The following FARP1 variants were observed in gnomAD, a reference collection of about 807,000 sequenced individuals.
FARP1 encodes FERM, ARHGEF and pleckstrin domain-containing protein 1.
FARP1 carries 52 observed loss-of-function variants against 128.8 expected under a neutral mutation model. The observed-to-expected ratio is 0.40, with a 90% CI of 0.32 to 0.51. The LOEUF is 0.51. Ranked by LOEUF, FARP1 falls within the 20% of genes least tolerant of loss-of-function variation. The pLI, the probability that FARP1 is intolerant of heterozygous loss-of-function variation, is 0.45. For synonymous variants in FARP1, 580 were observed against 551.8 expected (o/e 1.05, Z -0.72); for missense variants, 1,333 against 1,367.9 (o/e 0.97, Z 0.40).
Position 98,213,422 on chromosome 13 carries a change from G to A in FARP1, c.171+9G>A, listed in dbSNP as rs1332629637. 6.2e-7 allele frequency: 1 copy of A among 1,612,638 alleles called. No homozygotes were observed. The highest frequency in any genetic ancestry group is 8.5e-7 in the Non-Finnish European group (1 of 1,179,572). On this transcript the variant is annotated intron_variant, in intron 2 of 26. Transcript: ENST00000319562. ...AGGCATTTGAAGTTCCAGTAAGTTGGGGGCTTATCTGTAACCCAGGAGTGT... is the reference window on the plus strand; with the variant it reads ...AGGCATTTGAAGTTCCAGTAAGTTGAGGGCTTATCTGTAACCCAGGAGTGT...
chr13:98,167,571 A>T (rs1279505477), intron 1 of FARP1, among the ~76,000 whole-genome samples: 1 of 151,648 alleles, frequency 6.6e-6, no homozygotes, highest in Non-Finnish European at 1.5e-5. Context: ...CACCACGCCC[A>T]GCTAATTTTT....
intron 2 of FARP1, among the ~76,000 whole-genome samples, chr13:98,241,771 T>C (rs1882784684): frequency 6.6e-6 from 1 of 152,142 alleles, no homozygotes; most frequent in Non-Finnish European, 1.5e-5. Context: ...ATACAAAAAT[T>C]AGCTGAGCGT....
rs549473494 is a variant in FARP1 at position 98,185,888 on chromosome 13, G to C, written c.-23-27332G>C. ...AATTTTTGTAATTTTAGTAGAGACA[G>C]GGTTTTTCCATGTTGACTAGGCTGG... is the stretch of plus-strand genomic sequence containing the variant. On this transcript the variant is annotated intron_variant, in intron 1 of 26. Transcript: ENST00000319562. Among the ~76,000 whole-genome samples, 108 of 152,094 alleles carry C rather than the reference G, an allele frequency of 7.1e-4. 1 individual carries two copies. In the South Asian group the frequency reaches 0.011, roughly 15 times the overall value.
chr13:98,155,228 C>G (rs1169867054), intron 1 of FARP1, among the ~76,000 whole-genome samples: 21 of 151,726 alleles, frequency 1.4e-4, no homozygotes, highest in Admixed American at 1.4e-3. Context: ...TGCCTGTAAT[C>G]CCAGCTACTT....
chr13:98,258,132 A>G (rs1883701126), intron 2 of FARP1, among the ~76,000 whole-genome samples: 1 of 151,906 alleles, frequency 6.6e-6, no homozygotes, highest in South Asian at 2.1e-4. Flanking sequence ...GTGCCCGGCT[A>G]ATTTTTTTGT....
rs1305703471 is a variant in FARP1 at position 98,176,081 on chromosome 13, G to A, written c.-24+32589G>A. 2.5e-6 allele frequency: 3 copies of A among 1,198,870 alleles called. No individual in the cohort carries two copies. The highest frequency in any genetic ancestry group is 1.8e-5 in the Admixed American group (1 of 54,150). 74.3% of individuals were successfully genotyped at this position (1,198,870 alleles called of 1,614,324 possible). On this transcript the variant is annotated intron_variant, in intron 1 of 26. Coordinates refer to ENST00000319562, the MANE Select transcript of FARP1 (RefSeq NM_005766.4). The surrounding 1 kb of genome is among the most constrained non-coding windows in gnomAD (Gnocchi z 6.2). Reference sequence around the variant, plus strand: ...TTCTTTTGGTTACATACTCAGGCATGGGATTGCAGGAAGACTGTCATCTCT... The same window carrying A: ...TTCTTTTGGTTACATACTCAGGCATAGGATTGCAGGAAGACTGTCATCTCT...
chr13:98,421,751 G>C (rs528985537), intron 16 of FARP1, among the ~76,000 whole-genome samples: 19 of 152,136 alleles, frequency 1.2e-4, no homozygotes, highest in Non-Finnish European at 2.1e-4. Context: ...TACTCAGGAG[G>C]CTGAGGCAGG....
At chr13:98,376,654 T>G (rs989290291) in intron 5 of FARP1, among the ~76,000 whole-genome samples, 1 of 152,050 alleles carries the variant, frequency 6.6e-6, no homozygotes, top group African/African-American at 2.4e-5. Context: ...GATTGCTGGG[T>G]CATATGGTAG....
intron 1 of FARP1, among the ~76,000 whole-genome samples, chr13:98,170,213 T>C (rs1448941770): frequency 2.6e-5 from 4 of 152,178 alleles, no homozygotes; most frequent in African/African-American, 9.6e-5. Context: ...ATACAGAGTC[T>C]TACTCTGTCA....
At chr13:98,444,263 C>T (rs934033786) in intron 24 of FARP1, among the ~76,000 whole-genome samples, 33 of 152,164 alleles carry the variant, frequency 2.2e-4, no homozygotes, top group Non-Finnish European at 4.1e-4. Context: ...GACTCGATCG[C>T]ATCTGCAGAG....
rs1888027977 is a variant in FARP1 at position 98,342,882 on chromosome 13, G to C, written c.172-880G>C. 2.0e-5 allele frequency among the ~76,000 whole-genome samples: 3 copies of C among 151,846 alleles called. No homozygotes were observed. In the East Asian group the frequency reaches 5.8e-4, roughly 29 times the overall value. On this transcript the variant is annotated intron_variant, in intron 2 of 26. Transcript: ENST00000319562. The stretch of plus-strand genomic sequence containing the variant: ...TCTACTAAAAATATAAAATTAGCTT[G>C]GCATGGTGGTACATGCCTGTAATCC...
chr13:98,351,624 A>G (rs1215989636), intron 3 of FARP1, among the ~76,000 whole-genome samples: 1 of 151,758 alleles, frequency 6.6e-6, no homozygotes, highest in Non-Finnish European at 1.5e-5. Flanking sequence ...AAAAAAAAAA[A>G]AAGAAAGAAA....
At chr13:98,368,343 C>T in intron 5 of FARP1, 148 bp downstream of exon 5, 1 of 618,280 alleles carries the variant, frequency 1.6e-6, no homozygotes, top group Non-Finnish European at 2.8e-6. Context: ...TTCCTCTTTC[C>T]CAGCCCTGCT....
intron 2 of FARP1, among the ~76,000 whole-genome samples, chr13:98,248,988 A>G (rs1325894605): frequency 1.3e-5 from 2 of 152,182 alleles, no homozygotes; most frequent in Admixed American, 6.5e-5. Flanking sequence ...TTAATTCAAC[A>G]TTAATGAGTC....
rs76864085 is a variant in FARP1 at position 98,304,063 on chromosome 13, A to G, written c.172-39699A>G. ...TCTGTTTACTTTGGGAAATGCAGCA[A>G]TTATTAGCGAGGTTGCTGAGAGTCA... is the stretch of plus-strand genomic sequence containing the variant. On this transcript the variant is annotated intron_variant, in intron 2 of 26. Coordinates refer to ENST00000319562, the MANE Select transcript of FARP1 (RefSeq NM_005766.4). Among the ~76,000 whole-genome samples the G allele has an allele frequency of 6.5e-3, 991 of 152,238 alleles. 15 individuals are homozygous for G. Among genetic ancestry groups the G allele is most frequent in the African/African-American group, 0.022 (932 of 41,546 alleles).
intron 6 of FARP1, among the ~76,000 whole-genome samples, chr13:98,378,939 C>G (rs189635838): frequency 1.7e-5 from 1 of 57,348 alleles, no homozygotes; most frequent in Non-Finnish European, 3.1e-5. Context: ...AATATATAAT[C>G]TATATATAAT....
chr13:98,262,340 G>A (rs1192448008), intron 2 of FARP1, among the ~76,000 whole-genome samples: 1 of 151,864 alleles, frequency 6.6e-6, no homozygotes, highest in Non-Finnish European at 1.5e-5. Context: ...TCTTTTATTT[G>A]CCGACTTTTC....
rs41279120 is a variant in FARP1, at chr13:98,424,557, T to C, written c.1827-15T>C. On this transcript the variant is annotated splice_polypyrimidine_tract_variant and intron_variant, in intron 16 of 26. Coordinates refer to ENST00000319562, the MANE Select transcript of FARP1 (RefSeq NM_005766.4). ...CTGATGCTTTGTATTTCCAACCCTT[T>C]GCTTTTGCTCTCAGGGAAGGCCGCT... 585 of 1,578,000 alleles carry C rather than the reference T, an allele frequency of 3.7e-4. 1 individual carries two copies. The highest frequency in any genetic ancestry group is 5.0e-4 in the Non-Finnish European group (570 of 1,146,952).
At chr13:98,261,427 T>C (rs1462013381) in intron 2 of FARP1, among the ~76,000 whole-genome samples, 2 of 152,152 alleles carry the variant, frequency 1.3e-5, no homozygotes, top group Non-Finnish European at 2.9e-5. Flanking sequence ...TTTTGGTCCA[T>C]AGCATCTTAC....
Sources: allele counts gnomAD v4.1 joint callset (sites outside exome capture counted in the v4.1 genomes callset), GRCh38; gene constraint gnomAD v4.1.1; non-coding constraint Gnocchi (gnomAD v3.1); transcripts MANE v1.5; gene names NCBI Gene and HGNC (gene_info 2026-07-23, HGNC 2026-07-21).